The following ADAM12 variants were observed in gnomAD, a reference collection of about 807,000 sequenced individuals.
The protein encoded by ADAM12 is ADAM metallopeptidase domain 12, also known as disintegrin and metalloproteinase domain-containing protein 12.
A neutral mutation model predicts 106.4 loss-of-function variants in ADAM12; 70 were observed. That is an observed-to-expected ratio of 0.66 (90% CI 0.54 to 0.80). The LOEUF (loss-of-function observed/expected upper bound fraction) is 0.80, where lower values mean the gene tolerates loss of function less well. ADAM12 is among the 30% of genes least tolerant of loss of function. ADAM12 has a pLI of 0.00. For missense variants in ADAM12, 1,010 were observed against 1,171.9 expected, an observed-to-expected ratio of 0.86 and a Z score of 2.02; for synonymous variants, 420 against 433.5, an observed-to-expected ratio of 0.97 and a Z score of 0.39.
chr10:126,023,351 A>G (rs1286706369), intron 21 of ADAM12, among the ~76,000 whole-genome samples: 2 of 151,954 alleles, frequency 1.3e-5, no homozygotes, highest in Non-Finnish European at 2.9e-5. Flanking sequence ...GATGACCACC[A>G]AGAGTTACAA....
intron 5 of ADAM12, among the ~76,000 whole-genome samples, chr10:126,124,344 C>T (rs769186708): frequency 6.6e-6 from 1 of 151,634 alleles, no homozygotes; most frequent in Non-Finnish European, 1.5e-5. Flanking sequence ...TCACCCCATA[C>T]ATGTTTGATA....
chr10:126,359,001 T>C (rs1400853075), intron 1 of ADAM12, among the ~76,000 whole-genome samples: 1 of 152,200 alleles, frequency 6.6e-6, no homozygotes, highest in African/African-American at 2.4e-5. Context: ...CTCACAATTA[T>C]GGTGGAAGGC....
intron 2 of ADAM12, among the ~76,000 whole-genome samples, chr10:126,301,682 C>T (rs1384536558): frequency 1.3e-5 from 2 of 152,022 alleles, no homozygotes; most frequent in East Asian, 1.9e-4. Flanking sequence ...TGGTAAGAAG[C>T]TTTGAGGATG....
intron 11 of ADAM12, among the ~76,000 whole-genome samples, chr10:126,080,483 T>C (rs1044268112): frequency 3.3e-5 from 5 of 152,092 alleles, no homozygotes; most frequent in Admixed American, 2.6e-4. Flanking sequence ...CACGATCCTT[T>C]CCCTTGGCGT....
rs138244480 is a variant in ADAM12, at chr10:126,072,913, C to T, written c.1146-1259G>A. On this transcript the variant is annotated intron_variant, in intron 11 of 22. Transcript: ENST00000448723. Reference sequence around the variant, plus strand: ...TTGGCCAAACCAACGCAAGCTGCTACGCTCCCCTGATGATGGTAGACCAGC... The same window carrying T: ...TTGGCCAAACCAACGCAAGCTGCTATGCTCCCCTGATGATGGTAGACCAGC... Among the ~76,000 whole-genome samples the T allele has an allele frequency of 5.3e-4, 81 of 152,280 alleles. No homozygotes were observed. In the East Asian group the frequency reaches 6.4e-3, roughly 12 times the overall value.
chr10:126,358,883 A>C (rs1855642560), intron 1 of ADAM12, among the ~76,000 whole-genome samples: 1 of 152,214 alleles, frequency 6.6e-6, no homozygotes, highest in Admixed American at 6.5e-5. Flanking sequence ...CAAGAGAAGA[A>C]TCCTGTATTA....
At chr10:126,061,701 A>G (rs962861432) in intron 14 of ADAM12, among the ~76,000 whole-genome samples, 1 of 152,148 alleles carries the variant, frequency 6.6e-6, no homozygotes, top group Admixed American at 6.5e-5. Context: ...GGCCTCGAAG[A>G]TGGAGGAAGG....
Position 126,365,091 on chromosome 10 carries a change from A to G in ADAM12, c.88+22967T>C, listed in dbSNP as rs1267504051. On this transcript the variant is annotated intron_variant, in intron 1 of 22. Transcript: ENST00000448723. ...ATGACCCTGTTGGGCAAGATACTAC[A>G]TTGTTAATATTATCCAGTATGATTG... Among the ~76,000 whole-genome samples the G allele has an allele frequency of 4.6e-5, 7 of 152,296 alleles. No individual in the cohort carries two copies. The East Asian group carries it at 1.4e-3, about 29-fold the overall frequency.
At chr10:126,338,417 T>TAA (rs1854793454) in intron 1 of ADAM12, among the ~76,000 whole-genome samples, 1 of 151,192 alleles carries the variant, frequency 6.6e-6, no homozygotes, top group Admixed American at 6.6e-5. Flanking sequence ...TACGCCCGGC[T>TAA]AATTTTTTGT....
intron 3 of ADAM12, among the ~76,000 whole-genome samples, chr10:126,201,792 C>G (rs1371927524): frequency 1.3e-5 from 2 of 152,026 alleles, no homozygotes; most frequent in Non-Finnish European, 2.9e-5. Flanking sequence ...TGGTAAGAAC[C>G]CAGAGAACCG....
chr10:126,162,002 G>A (rs780257640), intron 3 of ADAM12, among the ~76,000 whole-genome samples: 1 of 152,186 alleles, frequency 6.6e-6, no homozygotes, highest in Non-Finnish European at 1.5e-5. Context: ...ACTGTGCCAG[G>A]AGTTGATTTT....
At chr10:126,093,021 G>A (rs867196780) in intron 11 of ADAM12, among the ~76,000 whole-genome samples, 1 of 152,238 alleles carries the variant, frequency 6.6e-6, no homozygotes, top group African/African-American at 2.4e-5. Flanking sequence ...TGGCCAGCAA[G>A]TCTTCACAGA....
chr10:126,046,801 CAAAAAAAAAAAAAAA>C (rs60056450), intron 16 of ADAM12, among the ~76,000 whole-genome samples: 3 of 49,918 alleles, frequency 6.0e-5, no homozygotes, highest in African/African-American at 1.9e-4. Flanking sequence ...GATTCCGTCT[CAAAAAAAAAAAAAAA>C]AAAAAAAAAA....
intron 2 of ADAM12, among the ~76,000 whole-genome samples, chr10:126,307,402 G>A (rs1353151804): frequency 1.3e-5 from 2 of 152,050 alleles, no homozygotes; most frequent in Non-Finnish European, 2.9e-5. Flanking sequence ...CACCCAGGCT[G>A]GAGTGCAATG....
chr10:126,142,740 T>C (rs936873225), intron 4 of ADAM12, among the ~76,000 whole-genome samples: 1 of 152,212 alleles, frequency 6.6e-6, no homozygotes, highest in Non-Finnish European at 1.5e-5. Flanking sequence ...CATTACAGTG[T>C]CACTCATGGC....
chr10:126,083,760 T>C (rs1278348), intron 11 of ADAM12, among the ~76,000 whole-genome samples: 105,935 of 152,154 alleles, frequency 0.7, 37,296 homozygotes, highest in East Asian at 0.82. Flanking sequence ...CTCCTCCTCA[T>C]GGTGTGATGG....
intron 1 of ADAM12, among the ~76,000 whole-genome samples, chr10:126,363,645 T>C (rs1463390773): frequency 6.6e-6 from 1 of 152,182 alleles, no homozygotes; most frequent in Non-Finnish European, 1.5e-5. Flanking sequence ...CTTATGCCTC[T>C]GCCTTCTCTA....
intron 8 of ADAM12, among the ~76,000 whole-genome samples, chr10:126,107,378 G>A (rs1955793319): frequency 6.6e-6 from 1 of 152,162 alleles, no homozygotes; most frequent in Non-Finnish European, 1.5e-5. Flanking sequence ...CAGCCTTGAC[G>A]TTCTCAAGTG....
chr10:126,115,567 A>G (rs1478576615), intron 6 of ADAM12, among the ~76,000 whole-genome samples: 2 of 152,230 alleles, frequency 1.3e-5, no homozygotes, highest in East Asian at 3.9e-4. Flanking sequence ...TATCACAGCC[A>G]GTGTATACCC....
Sources: gnomAD v4.1 joint callset for allele counts (sites outside exome capture counted in the v4.1 genomes callset) on GRCh38, gnomAD v4.1.1 for gene constraint, MANE v1.5 for transcripts, NCBI Gene and HGNC (gene_info 2026-07-23, HGNC 2026-07-21) for gene names.